TBX10: variants seen among roughly 807,000 people sequenced by gnomAD.
The protein encoded by TBX10 is T-box transcription factor 10.
In TBX10, 26 loss-of-function variants were observed where a neutral mutation model predicts 32.4. The ratio of observed to expected loss-of-function variants is 0.80; its 90% confidence interval spans 0.59 to 1.11. The LOEUF is 1.11. Among genes scored for constraint, TBX10 ranks in the 50% most tolerant of loss-of-function variants. The probability of loss-of-function intolerance (pLI) is 0.00; values close to 1 mark genes in which losing one functional copy is unlikely to be tolerated. For missense variants in TBX10, 490 were observed against 494.5 expected (o/e 0.99, Z 0.09); for synonymous variants, 195 against 203.1 (o/e 0.96, Z 0.34).
Position 67,631,756 on chromosome 11 carries a change from C to T in TBX10, c.1007G>A (p.Ser336Asn), listed in dbSNP as rs912442180. 2 of 1,608,502 alleles carry T rather than the reference C, an allele frequency of 1.2e-6. No individual in the cohort carries two copies. The highest frequency in any genetic ancestry group is 2.7e-5 in the African/African-American group (2 of 74,952). ...TYQSLYSGAP[S>N]HLGIPRTRPA... ...TCGGGTCCTTGGGATCCCTAGGTGG[C>T]TCGGGGCTCCAGAGTACAGGCTCTG... is the stretch of plus-strand genomic sequence containing the variant. Residue 336 changes from serine to asparagine, a missense_variant, in exon 8 of 8, where the codon AGC becomes AAC. Ser to Asn is a conservative substitution (Grantham distance 46). Transcript: ENST00000335385.
chr11:67,634,465 AC>A (rs2037080100), intron 3 of TBX10, 105 bp from the exon 4 acceptor site: 2 of 1,349,548 alleles, frequency 1.5e-6, no homozygotes, highest in Non-Finnish European at 2.0e-6. Context: ...TGCTCACCCC[AC>A]CTGGTGGGCA....
chr11:67,639,346 G>T, intron 1 of TBX10, 120 bp downstream of exon 1: 2 of 1,452,902 alleles, frequency 1.4e-6, no homozygotes, highest in Non-Finnish European at 1.9e-6. Flanking sequence ...GGGTGCCCCT[G>T]CCCCACCCTC....
chr11:67,641,297 G>A (rs1199141629), upstream of TBX10, among the ~76,000 whole-genome samples: 1 of 152,062 alleles, frequency 6.6e-6, no homozygotes, highest in Non-Finnish European at 1.5e-5. Context: ...ACACACACGA[G>A]CACACTGACA....
intron 1 of TBX10, among the ~76,000 whole-genome samples, chr11:67,636,417 G>A (rs192737883): frequency 1.4e-4 from 22 of 151,930 alleles, no homozygotes; most frequent in Admixed American, 1.4e-3. Flanking sequence ...CTGCTGGTGG[G>A]AATGTAAAAG....
At chr11:67,636,517 A>ATTTT (rs1565234982) in intron 1 of TBX10, among the ~76,000 whole-genome samples, 3 of 87,618 alleles carry the variant, frequency 3.4e-5, no homozygotes, top group African/African-American at 8.5e-5. Flanking sequence ...TTATTTATTT[A>ATTTT]TTTATTTTTT....
At chr11:67,632,005 C>T in intron 7 of TBX10, 111 bp from the exon 8 acceptor site, 1 of 1,445,602 alleles carries the variant, frequency 6.9e-7, no homozygotes, top group Non-Finnish European at 9.5e-7. Flanking sequence ...TACCTCTCAG[C>T]CTTCGCCTTT....
At chr11:67,633,332 C>G (rs1855270042) in intron 4 of TBX10, among the ~76,000 whole-genome samples, 1 of 152,144 alleles carries the variant, frequency 6.6e-6, no homozygotes, top group Non-Finnish European at 1.5e-5. Context: ...CAGCTGCCAC[C>G]CACTGCCTGT....
chr11:67,633,516 C>G (rs778551757), intron 4 of TBX10, among the ~76,000 whole-genome samples: 1 of 152,184 alleles, frequency 6.6e-6, no homozygotes, highest in Non-Finnish European at 1.5e-5. Flanking sequence ...AAAGCCAGAG[C>G]CCCCCGAAGT....
At chr11:67,631,957 T>A in intron 7 of TBX10, 63 bp from the exon 8 acceptor site, 1 of 1,544,188 alleles carries the variant, frequency 6.5e-7, no homozygotes, top group Non-Finnish European at 8.8e-7. Context: ...ATCCCAGGCC[T>A]GCCCTGGTCC....
intron 1 of TBX10, among the ~76,000 whole-genome samples, chr11:67,638,036 A>G (rs1245375246): frequency 6.6e-6 from 1 of 152,042 alleles, no homozygotes. Flanking sequence ...GGCAAACCCT[A>G]TCTCTACTAA....
intron 5 of TBX10, 132 bp from the exon 6 acceptor site, chr11:67,632,802 G>A: frequency 1.3e-6 from 2 of 1,541,346 alleles, no homozygotes; most frequent in Admixed American, 3.4e-5. Flanking sequence ...TGATAGGAGT[G>A]CGGGCAGGGC....
rs554161959 is a variant in TBX10, at chr11:67,632,652, C to T, written c.724G>A (p.Ala242Thr). 50 of 1,614,010 alleles carry T rather than the reference C, an allele frequency of 3.1e-5. No individual in the cohort carries two copies. The highest frequency in any genetic ancestry group is 9.3e-5 in the African/African-American group (7 of 75,044). Residue 242 changes from alanine (A) to threonine (T), a missense_variant, in exon 6 of 8, where the codon GCC becomes ACC. Physicochemically the swap from Ala to Thr is moderately conservative, Grantham distance 58 (BLOSUM62 0). This residue lies in a region of TBX10 where 6 missense variants were observed against 23.1 expected (regional missense o/e 0.26). Transcript: ENST00000335385. Reference protein sequence around the residue: ...QNHRITQLKIASNPFAKGFRE... With the variant: ...QNHRITQLKITSNPFAKGFRE... ...AAGCCTTTGGCAAAAGGGTTGCTGG[C>T]GATTTTCAGCTGGGTGATCTGCAGG...
At chr11:67,638,667 C>T (rs543988150) in intron 1 of TBX10, among the ~76,000 whole-genome samples, 1 of 152,342 alleles carries the variant, frequency 6.6e-6, no homozygotes, top group South Asian at 2.1e-4. Flanking sequence ...ACGTCCTCAG[C>T]AGCCCTGAGA....
At chr11:67,639,828 C>A (rs1214610406), upstream of TBX10, among the ~76,000 whole-genome samples, 1 of 152,196 alleles carries the variant, frequency 6.6e-6, no homozygotes, top group African/African-American at 2.4e-5. Context: ...CCCCTTCCTC[C>A]CTCCTTGTCC....
intron 1 of TBX10, 31 bp from the exon 2 acceptor site, chr11:67,635,294 A>G: frequency 1.9e-6 from 3 of 1,612,260 alleles, no homozygotes; most frequent in Non-Finnish European, 2.5e-6. Context: ...TGTGGGCCCC[A>G]CGCATCACCC....
intron 1 of TBX10, 125 bp downstream of exon 1, chr11:67,639,341 C>A (rs998285381): frequency 2.2e-6 from 3 of 1,386,816 alleles, no homozygotes; most frequent in Non-Finnish European, 3.0e-6. Flanking sequence ...GCCTGGGGTG[C>A]CCCTGCCCCA....
At chr11:67,635,710 T>C (rs185063329) in intron 1 of TBX10, among the ~76,000 whole-genome samples, 43 of 151,658 alleles carry the variant, frequency 2.8e-4, no homozygotes, top group African/African-American at 1.0e-3. Context: ...GGGGCAGGGG[T>C]CTTCCCCAGC....
chr11:67,641,432 G>A (rs1415707343), upstream of TBX10, among the ~76,000 whole-genome samples: 1 of 152,206 alleles, frequency 6.6e-6, no homozygotes, highest in Non-Finnish European at 1.5e-5. Flanking sequence ...GACACAGGCA[G>A]GCCTCCCTGC....
At chr11:67,640,046 C>T (rs896332821), upstream of TBX10, among the ~76,000 whole-genome samples, 2 of 152,134 alleles carry the variant, frequency 1.3e-5, no homozygotes, top group Non-Finnish European at 1.5e-5. Context: ...GGCTGAATGG[C>T]GGAGGAGGTG....
Sources: allele counts gnomAD v4.1 joint callset (sites outside exome capture counted in the v4.1 genomes callset), GRCh38; gene constraint gnomAD v4.1.1; regional missense constraint gnomAD v4.1.1; transcripts MANE v1.5; gene names NCBI Gene and HGNC (gene_info 2026-07-23, HGNC 2026-07-21).